RGS9: variants seen among roughly 807,000 people sequenced by gnomAD.
RGS9 encodes the protein regulator of G protein signaling 9, also known as regulator of G-protein signalling 9.
In RGS9, 78 loss-of-function variants were observed where a neutral mutation model predicts 102.0. The observed-to-expected ratio is 0.76, with a 90% CI of 0.64 to 0.92. The LOEUF is 0.92. Among genes scored for constraint, RGS9 ranks in the 40% least tolerant of loss-of-function variants. The probability of loss-of-function intolerance (pLI) is 0.00; values close to 1 mark genes in which losing one functional copy is unlikely to be tolerated. For missense variants in RGS9, 833 were observed against 866.1 expected, an observed-to-expected ratio of 0.96 and a Z score of 0.48; for synonymous variants, 353 against 318.6, an observed-to-expected ratio of 1.11 and a Z score of -1.15.
rs1010040918 is a variant in RGS9 at position 65,224,912 on chromosome 17, G to T, written c.1408-90G>T. On this transcript the variant is annotated intron_variant, in intron 17 of 18. Transcript: ENST00000262406. ...CAGGCCCGCACTCTTGTCGCTGGAA[G>T]GGGACTAAGTTAGCAGAGGACAGCC... The T allele has an allele frequency of 2.1e-5, 33 of 1,557,880 alleles. No homozygotes were observed. The South Asian group carries it at 3.4e-4, about 16-fold the overall frequency.
chr17:65,139,023 C>T (rs72850379), intron 1 of RGS9, among the ~76,000 whole-genome samples: 648 of 31,274 alleles, frequency 0.021, 8 homozygotes, highest in Middle Eastern at 0.11. Context: ...CCCAAACTCT[C>T]CCTCCTCCAC....
intron 9 of RGS9, among the ~76,000 whole-genome samples, chr17:65,187,806 G>A (rs1334952326): frequency 6.6e-6 from 1 of 152,182 alleles, no homozygotes; most frequent in Non-Finnish European, 1.5e-5. Flanking sequence ...AGTGATCCTG[G>A]CCAACATGGT....
In RGS9 at chr17:65,158,344, G is replaced by T. The variant is rs1040927759; in HGVS notation, c.204G>T (p.Leu68=). 2.5e-6 allele frequency: 4 copies of T among 1,613,894 alleles called. No individual in the cohort carries two copies. In the Admixed American group the frequency reaches 6.7e-5, roughly 27 times the overall value. ...WIVQRLWISS[L]EAQNLGNFIV... is the part of the protein sequence containing the mutation. Reference sequence around the variant, plus strand: ...TCCAGCGGCTTTGGATCTCCAGTCTGGGTGAGAGCTCATCTGGCACTCAGT... The same window carrying T: ...TCCAGCGGCTTTGGATCTCCAGTCTTGGTGAGAGCTCATCTGGCACTCAGT... The change falls in exon 3 of 19, where the codon CTG becomes CTT. Residue 68 remains leucine, a splice_region_variant and synonymous_variant. Coordinates refer to ENST00000262406, the MANE Select transcript of RGS9 (RefSeq NM_003835.4).
intron 1 of RGS9, among the ~76,000 whole-genome samples, chr17:65,150,304 T>C (rs1910529004): frequency 6.6e-6 from 1 of 152,162 alleles, no homozygotes; most frequent in Non-Finnish European, 1.5e-5. Flanking sequence ...TTCTGCTTCC[T>C]ACTCCTTGCT....
At chr17:65,149,729 T>G (rs1160771822) in intron 1 of RGS9, among the ~76,000 whole-genome samples, 1 of 152,238 alleles carries the variant, frequency 6.6e-6, no homozygotes, top group Non-Finnish European at 1.5e-5. Context: ...GCATTTTACA[T>G]AATTAAATTC....
intron 2 of RGS9, among the ~76,000 whole-genome samples, chr17:65,154,073 G>A (rs772897450): frequency 6.6e-6 from 1 of 152,176 alleles, no homozygotes; most frequent in Non-Finnish European, 1.5e-5. Context: ...TTGGGAGGCC[G>A]AGGCAGGTGG....
At chr17:65,179,953 G>A (rs910043606) in intron 9 of RGS9, 1 of 152,340 alleles carries the variant, frequency 6.6e-6, no homozygotes, top group African/African-American at 2.4e-5. Flanking sequence ...TGTCTCCGCT[G>A]TTTACCGTTA....
intron 8 of RGS9, among the ~76,000 whole-genome samples, chr17:65,169,335 G>A (rs762441579): frequency 6.6e-6 from 1 of 152,128 alleles, no homozygotes; most frequent in Non-Finnish European, 1.5e-5. Flanking sequence ...TTTGCTTCAG[G>A]GTTTCTCCTC....
intron 9 of RGS9, among the ~76,000 whole-genome samples, chr17:65,187,642 T>C (rs1912174456): frequency 6.6e-6 from 1 of 152,188 alleles, no homozygotes; most frequent in South Asian, 2.1e-4. Flanking sequence ...TTAACCACTC[T>C]TTTCCAAGTG....
At chr17:65,177,160 A>T in intron 8 of RGS9, among the ~76,000 whole-genome samples, 1 of 149,580 alleles carries the variant, frequency 6.7e-6, no homozygotes, top group South Asian at 2.1e-4. Context: ...CCGTCCATCC[A>T]TCCATCCATC....
At chr17:65,156,189 A>G (rs1910760829) in intron 2 of RGS9, among the ~76,000 whole-genome samples, 1 of 151,916 alleles carries the variant, frequency 6.6e-6, no homozygotes, top group South Asian at 2.1e-4. Flanking sequence ...CATCCAACTA[A>G]TTTTTGTATT....
At chr17:65,150,313 C>A (rs1380879383) in intron 1 of RGS9, among the ~76,000 whole-genome samples, 1 of 152,126 alleles carries the variant, frequency 6.6e-6, no homozygotes, top group African/African-American at 2.4e-5. Flanking sequence ...CTACTCCTTG[C>A]TAATCTTTGT....
chr17:65,199,352 C>T (rs1333547129), intron 13 of RGS9, among the ~76,000 whole-genome samples: 2 of 152,140 alleles, frequency 1.3e-5, no homozygotes, highest in Non-Finnish European at 2.9e-5. Context: ...AATCTACTTT[C>T]TACCCCTACG....
At position 65,193,658 on chromosome 17, in the gene RGS9, T is replaced by C. The variant is rs767818583; in HGVS notation, c.860+2T>C. The C allele has an allele frequency of 1.9e-6, 3 of 1,582,996 alleles. No individual in the cohort carries two copies. The highest frequency in any genetic ancestry group is 1.7e-5 in the Admixed American group (1 of 59,990). ...GTTCTGGGACTTAAATGCCAAATTGTATGTATTTTATATATTGGTGTTTTT... is the reference window on the plus strand; with the variant it reads ...GTTCTGGGACTTAAATGCCAAATTGCATGTATTTTATATATTGGTGTTTTT... On this transcript the variant is annotated splice_donor_variant, in intron 12 of 18. Transcript: ENST00000262406. LOFTEE classifies it high-confidence loss of function.
intron 17 of RGS9, among the ~76,000 whole-genome samples, chr17:65,217,554 T>C (rs1598009349): frequency 6.6e-6 from 1 of 152,120 alleles, no homozygotes; most frequent in African/African-American, 2.4e-5. Flanking sequence ...AAGGAGAAGA[T>C]GTTGGAAGTA....
chr17:65,159,082 G>A (rs1910881202), intron 3 of RGS9, among the ~76,000 whole-genome samples: 1 of 152,056 alleles, frequency 6.6e-6, no homozygotes, highest in Non-Finnish European at 1.5e-5. Context: ...CTTAACTGAG[G>A]GCATTACCTT....
In RGS9 at chr17:65,138,777, T is replaced by C. The variant is rs1910010908; in HGVS notation, c.57+1180T>C. Reference sequence around the variant, plus strand: ...TGTCTCCTCCCAGGCAGGACAGCTCTGGCTTGGGGGCTCAGAGGGTAATTG... The same window carrying C: ...TGTCTCCTCCCAGGCAGGACAGCTCCGGCTTGGGGGCTCAGAGGGTAATTG... On this transcript the variant is annotated intron_variant, in intron 1 of 18. Transcript: ENST00000262406. Among the ~76,000 whole-genome samples the C allele has an allele frequency of 2.6e-5, 4 of 152,118 alleles. No homozygotes were observed. In the South Asian group the frequency reaches 8.3e-4, roughly 31 times the overall value.
At position 65,227,557 on chromosome 17, in the gene RGS9, C is replaced by A; in HGVS notation, c.*150C>A. On this transcript the variant is annotated 3_prime_UTR_variant, in exon 19 of 19. Transcript: ENST00000262406. ...GGAGACAAGATGGGGTAGATTGTGG[C>A]AAAGAATGCTCTGGCTGGTTACCAG... 1 of 1,103,202 alleles carries A rather than the reference C, an allele frequency of 9.1e-7. No homozygotes were observed. 68.3% of individuals were successfully genotyped at this position (1,103,202 alleles called of 1,614,324 possible).
intron 2 of RGS9, among the ~76,000 whole-genome samples, chr17:65,155,119 C>T (rs982423999): frequency 6.6e-6 from 1 of 152,190 alleles, no homozygotes; most frequent in Non-Finnish European, 1.5e-5. Context: ...CACTGACAAG[C>T]CAGACTTTGG....
Sources: gnomAD v4.1 joint callset for allele counts (sites outside exome capture counted in the v4.1 genomes callset) on GRCh38, gnomAD v4.1.1 for gene constraint, MANE v1.5 for transcripts, NCBI Gene and HGNC (gene_info 2026-07-23, HGNC 2026-07-21) for gene names.